FAM210A: variants seen among roughly 807,000 people sequenced by gnomAD.
The protein encoded by FAM210A is mitochondrial inner membrane scaffold 1.
FAM210A carries 13 observed loss-of-function variants against 25.3 expected under a neutral mutation model. The observed-to-expected ratio is 0.51, with a 90% CI of 0.33 to 0.82. FAM210A has a LOEUF of 0.82. Ranked by LOEUF, FAM210A falls within the 40% of genes least tolerant of loss-of-function variation. FAM210A has a pLI of 0.02. For synonymous variants in FAM210A, 125 were observed against 118.7 expected (o/e 1.05, Z -0.35); for missense variants, 319 against 323.2 (o/e 0.99, Z 0.10).
chr18:13,678,164 C>T (rs2043520576), intron 2 of FAM210A, among the ~76,000 whole-genome samples: 1 of 152,098 alleles, frequency 6.6e-6, no homozygotes, highest in South Asian at 2.1e-4. Flanking sequence ...AGACTTGTCT[C>T]TATAAAAAAT....
At position 13,705,960 on chromosome 18, in the gene FAM210A, G is replaced by T. The variant is rs149983531; in HGVS notation, c.-29+20369C>A. Among the ~76,000 whole-genome samples the T allele has an allele frequency of 9.2e-3, 1,400 of 152,272 alleles. 23 individuals are homozygous for T. The highest frequency in any genetic ancestry group is 0.067 in the South Asian group (325 of 4,818). ...AGCTTTCCCATGCAAGAGGACTGAT[G>T]TTATAACACTAAGTTATTATGCCAC... On this transcript the variant is annotated intron_variant, in intron 1 of 3. Transcript: ENST00000651643.
intron 1 of FAM210A, among the ~76,000 whole-genome samples, chr18:13,698,442 C>G (rs1479954004): frequency 6.6e-6 from 1 of 151,366 alleles, no homozygotes; most frequent in Admixed American, 6.6e-5. Context: ...ATCCTAAGAT[C>G]AAGATCCTAA....
intron 1 of FAM210A, among the ~76,000 whole-genome samples, chr18:13,723,194 G>T (rs2043910870): frequency 1.3e-5 from 2 of 152,160 alleles, no homozygotes; most frequent in South Asian, 4.1e-4. Context: ...CTTTTCTACA[G>T]GGAATACTCA....
chr18:13,694,991 A>G (rs1045362003), intron 1 of FAM210A, among the ~76,000 whole-genome samples: 2 of 152,246 alleles, frequency 1.3e-5, no homozygotes, highest in African/African-American at 4.8e-5. Flanking sequence ...TAATATCCAG[A>G]TTCTACAAAG....
At chr18:13,711,519 G>A (rs549911884) in intron 1 of FAM210A, among the ~76,000 whole-genome samples, 1 of 152,168 alleles carries the variant, frequency 6.6e-6, no homozygotes, top group South Asian at 2.1e-4. Flanking sequence ...TACCTTTTGG[G>A]CCTTTCATTC....
rs1018555962 is a variant in FAM210A at position 13,663,999 on chromosome 18, G to A, written c.*2481C>T. ...GTATATATTCTCAATTATTTAACTT[G>A]GCATATTGGTACTGTATTCTGTTAG... On this transcript the variant is annotated 3_prime_UTR_variant, in exon 4 of 4. Coordinates refer to ENST00000651643, the MANE Select transcript of FAM210A (RefSeq NM_152352.4). 6.6e-6 allele frequency: 1 copy of A among 152,034 alleles called. No individual in the cohort carries two copies. Among genetic ancestry groups the A allele is most frequent in the African/African-American group, 2.4e-5 (1 of 41,356 alleles). The allele number at this position is 152,034 out of a possible 1,614,324, so 9.4% of individuals were successfully genotyped here.
At chr18:13,711,456 C>T (rs924847609) in intron 1 of FAM210A, among the ~76,000 whole-genome samples, 2 of 152,300 alleles carry the variant, frequency 1.3e-5, no homozygotes, top group South Asian at 4.1e-4. Flanking sequence ...CTCTTTTTCA[C>T]TACCTCCCAT....
At chr18:13,698,857 A>T (rs1165351115) in intron 1 of FAM210A, among the ~76,000 whole-genome samples, 1 of 152,176 alleles carries the variant, frequency 6.6e-6, no homozygotes, top group African/African-American at 2.4e-5. Context: ...CCAGCCTGTA[A>T]GCGGCAGTGA....
intron 3 of FAM210A, chr18:13,671,028 C>A (rs1361044560): frequency 6.6e-6 from 1 of 152,628 alleles, no homozygotes; most frequent in Non-Finnish European, 1.5e-5. Context: ...AGAATAGTTA[C>A]AAAGATTATC....
At chr18:13,699,746 TGGTA>T (rs1223675553) in intron 1 of FAM210A, among the ~76,000 whole-genome samples, 8 of 152,190 alleles carry the variant, frequency 5.3e-5, no homozygotes, top group African/African-American at 1.9e-4. Context: ...TTTTATCGCG[TGGTA>T]TTTATGAGAT....
At chr18:13,721,619 C>T (rs887150527) in intron 1 of FAM210A, among the ~76,000 whole-genome samples, 3 of 152,100 alleles carry the variant, frequency 2.0e-5, no homozygotes, top group Admixed American at 6.6e-5. Flanking sequence ...CTCCACAAGT[C>T]GGGGAACCAG....
At chr18:13,721,285 C>T (rs2043895828) in intron 1 of FAM210A, among the ~76,000 whole-genome samples, 1 of 152,156 alleles carries the variant, frequency 6.6e-6, no homozygotes, top group Non-Finnish European at 1.5e-5. Flanking sequence ...ACAAAGCACT[C>T]AGCAGATCAA....
At chr18:13,700,580 A>G (rs1363609055) in intron 1 of FAM210A, among the ~76,000 whole-genome samples, 1 of 152,034 alleles carries the variant, frequency 6.6e-6, no homozygotes, top group Non-Finnish European at 1.5e-5. Context: ...TTTACCTCTC[A>G]CTTCTCGATT....
Position 13,666,307 on chromosome 18 carries a change from C to T in FAM210A, c.*173G>A, listed in dbSNP as rs907300889. ...GGGTTCATTTCTTCCCTTGTAATAA[C>T]ACTGATTTTTCTAGTGATATTTAAC... On this transcript the variant is annotated 3_prime_UTR_variant, in exon 4 of 4. Coordinates refer to ENST00000651643, the MANE Select transcript of FAM210A (RefSeq NM_152352.4). 4.8e-5 allele frequency: 29 copies of T among 602,142 alleles called. No individual in the cohort carries two copies. Among genetic ancestry groups the T allele is most frequent in the African/African-American group, 3.5e-4 (19 of 53,812 alleles). The allele number at this position is 602,142 out of a possible 1,614,324, so 37.3% of individuals were successfully genotyped here. A position where few individuals can be genotyped will look rare whatever the true frequency, so the allele number is the denominator to read the frequency against.
At chr18:13,679,453 T>G (rs997416220) in intron 2 of FAM210A, among the ~76,000 whole-genome samples, 1 of 152,228 alleles carries the variant, frequency 6.6e-6, no homozygotes, top group African/African-American at 2.4e-5. Flanking sequence ...TTTCTTTCAT[T>G]CATGAATTTG....
intron 1 of FAM210A, among the ~76,000 whole-genome samples, chr18:13,690,474 C>G (rs949897600): frequency 2.0e-5 from 3 of 152,188 alleles, no homozygotes; most frequent in Non-Finnish European, 4.4e-5. Flanking sequence ...GTCCCTGACC[C>G]CCGAGTAGCC....
chr18:13,695,468 T>G (rs1046927512), intron 1 of FAM210A, among the ~76,000 whole-genome samples: 1 of 152,222 alleles, frequency 6.6e-6, no homozygotes, highest in Non-Finnish European at 1.5e-5. Flanking sequence ...CCAACCCAAA[T>G]GTCCATCAAC....
intron 1 of FAM210A, among the ~76,000 whole-genome samples, chr18:13,682,534 C>T (rs1250184595): frequency 6.6e-6 from 1 of 152,172 alleles, no homozygotes; most frequent in South Asian, 2.1e-4. Flanking sequence ...GGCCACTGCC[C>T]TCCAACCTGG....
intron 1 of FAM210A, among the ~76,000 whole-genome samples, chr18:13,719,481 A>G (rs2149071602): frequency 6.6e-6 from 1 of 152,206 alleles, no homozygotes; most frequent in Middle Eastern, 3.4e-3. Flanking sequence ...GGCACCCACA[A>G]AATCTAACCA....
Sources: allele counts gnomAD v4.1 joint callset (sites outside exome capture counted in the v4.1 genomes callset), GRCh38; gene constraint gnomAD v4.1.1; transcripts MANE v1.5; gene names NCBI Gene and HGNC (gene_info 2026-07-23, HGNC 2026-07-21).